The following ZMYND11 variants were observed in gnomAD, a reference collection of about 807,000 sequenced individuals.
The protein encoded by ZMYND11 is zinc finger MYND-type containing 11, also known as zinc finger MYND domain-containing protein 11.
In ZMYND11, 9 loss-of-function variants were observed where a neutral mutation model predicts 84.9. The observed-to-expected ratio is 0.11, with a 90% CI of 0.06 to 0.18. The LOEUF (loss-of-function observed/expected upper bound fraction) is 0.18. ZMYND11 is among the 10% of genes least tolerant of loss of function. The pLI is 1.00. For missense variants in ZMYND11, 409 were observed against 761.0 expected (o/e 0.54, Z 5.44); for synonymous variants, 250 against 244.1 (o/e 1.02, Z -0.23).
intron 1 of ZMYND11, among the ~76,000 whole-genome samples, chr10:160,848 A>T (rs1394679452): frequency 1.3e-5 from 2 of 151,790 alleles, no homozygotes; most frequent in African/African-American, 4.8e-5. Context: ...TTTCCACCAC[A>T]TCTGGAGTTA....
At chr10:160,718 G>A (rs746518926) in intron 1 of ZMYND11, among the ~76,000 whole-genome samples, 134 of 152,242 alleles carry the variant, frequency 8.8e-4, no homozygotes, top group Non-Finnish European at 1.6e-3. Context: ...TCCATCTCAA[G>A]AAACTACTTT....
intron 1 of ZMYND11, among the ~76,000 whole-genome samples, chr10:137,276 C>A (rs1265959477): frequency 1.3e-5 from 2 of 151,946 alleles, no homozygotes. Context: ...AGAATGTGAG[C>A]CTGGAGGAGA....
chr10:186,546 C>G (rs1185339460), intron 2 of ZMYND11, among the ~76,000 whole-genome samples: 2 of 147,534 alleles, frequency 1.4e-5, no homozygotes, highest in Admixed American at 1.4e-4. Context: ...GAGGCTGAGG[C>G]AGGAGAATCA....
At chr10:233,186 G>A (rs982298789) in intron 4 of ZMYND11, among the ~76,000 whole-genome samples, 1 of 151,742 alleles carries the variant, frequency 6.6e-6, no homozygotes, top group Non-Finnish European at 1.5e-5. Flanking sequence ...TTCTGGGGGC[G>A]GCACCTGAGA....
chr10:148,556 T>C (rs895701271), intron 1 of ZMYND11: 3 of 152,310 alleles, frequency 2.0e-5, no homozygotes, highest in Non-Finnish European at 4.4e-5. Context: ...CACTAGTGTT[T>C]TGAGGCTTCA....
chr10:198,669 A>G lies in ZMYND11; in HGVS notation c.117-11220A>G, dbSNP rs927767022. 1.2e-4 allele frequency among the ~76,000 whole-genome samples: 19 copies of G among 152,202 alleles called. 1 individual carries two copies. The highest frequency in any genetic ancestry group is 1.9e-4 in the Non-Finnish European group (13 of 68,040). ...TCCATAAGAAGTATTTCTGTGCTTG[A>G]TATTTAGACAGTGGGACAGAACTGA... On this transcript the variant is annotated intron_variant, in intron 2 of 14. Coordinates refer to ENST00000381604, the MANE Select transcript of ZMYND11 (RefSeq NM_001370100.5).
At chr10:203,525 T>C (rs1419891259) in intron 2 of ZMYND11, among the ~76,000 whole-genome samples, 1 of 152,180 alleles carries the variant, frequency 6.6e-6, no homozygotes, top group Non-Finnish European at 1.5e-5. Flanking sequence ...TTAACTATTT[T>C]TGTGGATTTT....
At position 236,843 on chromosome 10, in the gene ZMYND11, TAAGAAG is replaced by T. The variant is rs755249307; in HGVS notation, c.450_455del (p.Lys150_Lys151del). Reference sequence around the variant, plus strand: ...TATTCTTTTTTTTTCAATAGAGCATTAAGAAGAAGAATACAAACAAACAGGAGATGG... The same window carrying T: ...TATTCTTTTTTTTTCAATAGAGCATTAAGAATACAAACAAACAGGAGATGG... On this transcript the variant is annotated inframe_deletion, in exon 5 of 15. Transcript: ENST00000381604. The T allele has an allele frequency of 1.9e-6, 3 of 1,612,158 alleles. No individual in the cohort carries two copies. The highest frequency in any genetic ancestry group is 2.5e-6 in the Non-Finnish European group (3 of 1,179,068).
intron 4 of ZMYND11, among the ~76,000 whole-genome samples, chr10:231,891 CAT>C (rs1949070637): frequency 6.6e-6 from 1 of 152,210 alleles, no homozygotes; most frequent in Non-Finnish European, 1.5e-5. Flanking sequence ...TTTGCCATCT[CAT>C]AGAATGTTTC....
chr10:247,813 TCA>T (rs1952471205), intron 12 of ZMYND11, among the ~76,000 whole-genome samples: 1 of 152,208 alleles, frequency 6.6e-6, no homozygotes, highest in South Asian at 2.1e-4. Context: ...ATCCAGTATA[TCA>T]GTTGTGCCAA....
chr10:145,060 T>C (rs1430351456), intron 1 of ZMYND11, among the ~76,000 whole-genome samples: 1 of 151,366 alleles, frequency 6.6e-6, no homozygotes, highest in South Asian at 2.1e-4. Context: ...TTTAGAATAA[T>C]GGCCTCTAGC....
rs572926700 is a variant in ZMYND11, at chr10:248,570, C to A, written c.1462C>A (p.Arg488=). The A allele has an allele frequency of 1.2e-6, 2 of 1,612,702 alleles. No homozygotes were observed. Among genetic ancestry groups the A allele is most frequent in the South Asian group, 1.1e-5 (1 of 91,052 alleles). The stretch of plus-strand genomic sequence containing the variant: ...AGACCGGATGAAGTCGGACCACAAG[C>A]GGGAGACAGAGCGTGTTGTCCGAGA... ...FKDRMKSDHK[R]ETERVVREAL... The change falls in exon 13 of 15, where the codon CGG becomes AGG. Residue 488 remains arginine, a synonymous_variant. Coordinates refer to ENST00000381604, the MANE Select transcript of ZMYND11 (RefSeq NM_001370100.5).
At chr10:246,096 TTCCAAC>T (rs1276932971) in intron 10 of ZMYND11, among the ~76,000 whole-genome samples, 30 of 152,206 alleles carry the variant, frequency 2.0e-4, no homozygotes, top group Non-Finnish European at 4.1e-4. Flanking sequence ...AAAGTGTTCT[TTCCAAC>T]AGAAGCAAAT....
Position 201,585 on chromosome 10 carries a change from T to TACACACACACACAC in ZMYND11, c.117-8296_117-8283dup, listed in dbSNP as rs56058145. Among the ~76,000 whole-genome samples, 1,374 of 146,144 alleles carry TACACACACACACAC rather than the reference T, an allele frequency of 9.4e-3. 17 individuals are homozygous for TACACACACACACAC. The highest frequency in any genetic ancestry group is 0.03 in the African/African-American group (1,163 of 39,282). ...ATAATCAGTGGCTGTTACCATGAAATACACACACACACACACACACATTAT... is the reference window on the plus strand; with the variant it reads ...ATAATCAGTGGCTGTTACCATGAAATACACACACACACACACACACACACACACACACACATTAT... On this transcript the variant is annotated intron_variant, in intron 2 of 14. Transcript: ENST00000381604.
At chr10:169,302 C>T (rs1270723112) in intron 1 of ZMYND11, among the ~76,000 whole-genome samples, 3 of 152,098 alleles carry the variant, frequency 2.0e-5, no homozygotes, top group African/African-American at 7.2e-5. Flanking sequence ...AGGACTAAGA[C>T]GGCCTCCCTT....
rs1950560757 is a variant in ZMYND11 at position 239,658 on chromosome 10, T to G, written c.697+133T>G. ...TGATCTACAAGTTTAGAGTATAAGGTTAGGAATATCTGGTGATATAGATTA... is the reference window on the plus strand; with the variant it reads ...TGATCTACAAGTTTAGAGTATAAGGGTAGGAATATCTGGTGATATAGATTA... On this transcript the variant is annotated intron_variant, in intron 7 of 14. Coordinates refer to ENST00000381604, the MANE Select transcript of ZMYND11 (RefSeq NM_001370100.5). 3.1e-5 allele frequency: 22 copies of G among 718,296 alleles called. No individual in the cohort carries two copies. In the South Asian group the frequency reaches 4.4e-4, roughly 14 times the overall value. The allele number at this position is 718,296 out of a possible 1,614,324, so 44.5% of individuals were successfully genotyped here.
intron 2 of ZMYND11, among the ~76,000 whole-genome samples, chr10:200,080 C>T (rs926909314): frequency 8.6e-5 from 13 of 151,166 alleles, no homozygotes; most frequent in Non-Finnish European, 1.9e-4. Context: ...TTCCCTGGCC[C>T]GTAGGAATGA....
chr10:207,902 C>G (rs929018346), intron 2 of ZMYND11, among the ~76,000 whole-genome samples: 3 of 152,158 alleles, frequency 2.0e-5, no homozygotes, highest in African/African-American at 7.2e-5. Context: ...AACTATACCA[C>G]AAGGCTACAG....
intron 2 of ZMYND11, among the ~76,000 whole-genome samples, chr10:182,255 C>T (rs767100438): frequency 3.7e-4 from 57 of 152,266 alleles, no homozygotes; most frequent in Non-Finnish European, 6.9e-4. Flanking sequence ...TATTACAACA[C>T]GTGTGTGTAC....
Sources: allele counts gnomAD v4.1 joint callset (sites outside exome capture counted in the v4.1 genomes callset), GRCh38; gene constraint gnomAD v4.1.1; transcripts MANE v1.5; gene names NCBI Gene and HGNC (gene_info 2026-07-23, HGNC 2026-07-21).